The following POPDC1 variants were observed in gnomAD, a reference collection of about 807,000 sequenced individuals.
The protein encoded by POPDC1 is popeye domain cAMP effector 1, also known as popeye domain-containing protein 1.
chr6:105,111,419 A>T, the POPDC1 span, among the ~76,000 whole-genome samples: 208 of 152,316 alleles, frequency 1.4e-3, no homozygotes, highest in African/African-American at 4.7e-3. Flanking sequence ...CTGACGAGCA[A>T]CACCTTGGTC....
the POPDC1 span, among the ~76,000 whole-genome samples, chr6:105,118,231 A>G: frequency 6.6e-6 from 1 of 152,202 alleles, no homozygotes. Flanking sequence ...ACAAGGGGAT[A>G]TGTACATCTA....
At chr6:105,104,972 T>C in the POPDC1 span, among the ~76,000 whole-genome samples, 2 of 152,292 alleles carry the variant, frequency 1.3e-5, no homozygotes, top group African/African-American at 4.8e-5. Context: ...CTACTGTATA[T>C]TCAGAAGCTA....
the POPDC1 span, chr6:105,125,275 A>T: frequency 8.0e-7 from 1 of 1,246,938 alleles, no homozygotes; most frequent in South Asian, 1.4e-5. Flanking sequence ...CCAACAACAA[A>T]CTCTGTGACT....
chr6:105,107,294 ACAAT>A, the POPDC1 span, among the ~76,000 whole-genome samples: 1 of 152,228 alleles, frequency 6.6e-6, no homozygotes, highest in African/African-American at 2.4e-5. Flanking sequence ...CTCTTACATG[ACAAT>A]CAGTCAAATC....
At chr6:105,106,788 G>A in the POPDC1 span, among the ~76,000 whole-genome samples, 1 of 28,422 alleles carries the variant, frequency 3.5e-5, no homozygotes, top group Non-Finnish European at 1.7e-4. Flanking sequence ...ACCACAGAAG[G>A]CCTTAAAAAC....
chr6:105,121,193 T>C, the POPDC1 span, among the ~76,000 whole-genome samples: 1 of 152,090 alleles, frequency 6.6e-6, no homozygotes, highest in East Asian at 1.9e-4. Flanking sequence ...AAAGAAAAGC[T>C]TGCAAACAGT....
chr6:105,100,027 AG>A, the POPDC1 span: 1 of 152,218 alleles, frequency 6.6e-6, no homozygotes, highest in African/African-American at 2.4e-5. Flanking sequence ...TTCCAGCTTC[AG>A]GTTTCAGAGC....
chr6:105,112,164 G>A, the POPDC1 span, among the ~76,000 whole-genome samples: 2 of 152,038 alleles, frequency 1.3e-5, no homozygotes, highest in South Asian at 2.1e-4. Flanking sequence ...AGATCTCCAG[G>A]TGATTCATAT....
At chr6:105,120,747 G>A in the POPDC1 span, among the ~76,000 whole-genome samples, 1 of 152,224 alleles carries the variant, frequency 6.6e-6, no homozygotes, top group African/African-American at 2.4e-5. Flanking sequence ...GGAAACAAAG[G>A]TCTCTGAGGG....
At chr6:105,098,656 T>C in the POPDC1 span, 1 of 152,136 alleles carries the variant, frequency 6.6e-6, no homozygotes, top group Non-Finnish European at 1.5e-5. Context: ...TTAACCCCAA[T>C]GGTTAAAGGA....
the POPDC1 span, chr6:105,129,536 T>A: frequency 6.3e-7 from 1 of 1,589,404 alleles, no homozygotes; most frequent in African/African-American, 1.4e-5. Flanking sequence ...CGTTAGATAA[T>A]CTAGAAGAGC....
chr6:105,132,749 T>A, the POPDC1 span, among the ~76,000 whole-genome samples: 2 of 152,246 alleles, frequency 1.3e-5, no homozygotes, highest in Admixed American at 6.5e-5. Context: ...ACTTGCTTCA[T>A]CAGGGTTACT....
the POPDC1 span, among the ~76,000 whole-genome samples, chr6:105,108,799 T>C: frequency 6.6e-6 from 1 of 152,186 alleles, no homozygotes; most frequent in Non-Finnish European, 1.5e-5. Context: ...AATCTCAACA[T>C]TGTTTATTTG....
chr6:105,118,120 A>G, the POPDC1 span, among the ~76,000 whole-genome samples: 1 of 152,184 alleles, frequency 6.6e-6, no homozygotes, highest in Non-Finnish European at 1.5e-5. Context: ...GGCAAAAACC[A>G]ATGTCCATTA....
At chr6:105,125,556 C>A in the POPDC1 span, 3 of 1,614,012 alleles carry the variant, frequency 1.9e-6, no homozygotes, top group Non-Finnish European at 2.5e-6. Context: ...GTACATGCCA[C>A]TGAGTTCCTT....
chr6:105,099,729 G>C, the POPDC1 span: 1 of 152,326 alleles, frequency 6.6e-6, no homozygotes, highest in African/African-American at 2.4e-5. Flanking sequence ...GCCTTCCACT[G>C]TGTTCACGTT....
At chr6:105,116,585 C>A in the POPDC1 span, 1 of 772,130 alleles carries the variant, frequency 1.3e-6, no homozygotes, top group Admixed American at 3.4e-5. Context: ...TTACAAGTAT[C>A]CCCAGTACAT....
At chr6:105,121,409 A>G in the POPDC1 span, among the ~76,000 whole-genome samples, 1 of 151,746 alleles carries the variant, frequency 6.6e-6, no homozygotes, top group Non-Finnish European at 1.5e-5. Context: ...CTGGGATTAT[A>G]GGCACCTGCC....
chr6:105,110,603 C>T, the POPDC1 span, among the ~76,000 whole-genome samples: 2 of 152,164 alleles, frequency 1.3e-5, no homozygotes, highest in African/African-American at 4.8e-5. Flanking sequence ...TTCTCTCAGA[C>T]ATACTGGTAG....
Sources: allele counts gnomAD v4.1 joint callset (sites outside exome capture counted in the v4.1 genomes callset), GRCh38; gene constraint gnomAD v4.1.1; transcripts MANE v1.5; gene names NCBI Gene and HGNC (gene_info 2026-07-23, HGNC 2026-07-21).